MYO1C: variants seen among roughly 807,000 people sequenced by gnomAD.
MYO1C encodes myosin IC, also known as unconventional myosin-Ic.
In MYO1C, 104 loss-of-function variants were observed where a neutral mutation model predicts 150.8. The ratio of observed to expected loss-of-function variants is 0.69; its 90% CI spans 0.59 to 0.81. The LOEUF is 0.81. Ranked by LOEUF, MYO1C falls within the 30% of genes least tolerant of loss-of-function variation. MYO1C has a pLI of 0.00. For missense variants in MYO1C, 1,504 were observed against 1,435.0 expected (o/e 1.05, Z -0.78); for synonymous variants, 663 against 579.9 (o/e 1.14, Z -2.06).
intron 1 of MYO1C, among the ~76,000 whole-genome samples, chr17:1,488,673 C>T (rs1431259255): frequency 1.3e-5 from 2 of 152,224 alleles, no homozygotes; most frequent in Non-Finnish European, 2.9e-5. Flanking sequence ...GCTACCAGGG[C>T]TGTGACCTTC....
rs368406632 is a variant in MYO1C at position 1,472,222 on chromosome 17, T to C, written c.1804A>G (p.Thr602Ala). Residue 602 changes from threonine to alanine, a missense_variant, in exon 18 of 32, where the codon ACC becomes GCC. Transcript: ENST00000648651. ...TGCAGGAGGCTCATCTTGAACTGGG[T>C]GGCGACCTGGCGAGCCAAGAGGCAT... ...SDKKRPETVA[T>A]QFKMSLLQLV... The C allele has an allele frequency of 1.2e-6, 2 of 1,614,034 alleles. No individual in the cohort carries two copies. Among genetic ancestry groups the C allele is most frequent in the Non-Finnish European group, 1.7e-6 (2 of 1,179,972 alleles).
intron 30 of MYO1C, 59 bp downstream of exon 30, chr17:1,467,421 G>C: frequency 2.5e-6 from 4 of 1,600,478 alleles, no homozygotes; most frequent in Non-Finnish European, 3.4e-6. Flanking sequence ...CTGTCCCTGG[G>C]TGCCCACACA....
rs377468370 is a variant in MYO1C at position 1,483,664 on chromosome 17, C to T, written c.293G>A (p.Arg98Gln). 1.4e-5 allele frequency: 22 copies of T among 1,613,120 alleles called. No homozygotes were observed. The highest frequency in any genetic ancestry group is 4.5e-5 in the East Asian group (2 of 44,870). The stretch of plus-strand genomic sequence containing the variant: ...GCCACGGTAACGCTCCATATGCTGC[C>T]GGCTGTAGATCTGCAGGTCCCGGTA... ...NPYRDLQIYS[R>Q]QHMERYRGVS... Residue 98 changes from arginine (R) to glutamine (Q), a missense_variant, in exon 3 of 32, where the codon CGG becomes CAG. Transcript: ENST00000648651.
intron 25 of MYO1C, 179 bp from the exon 26 acceptor site, chr17:1,468,675 C>A (rs1033841431): frequency 9.6e-5 from 60 of 625,422 alleles, no homozygotes; most frequent in Non-Finnish European, 5.4e-5. Flanking sequence ...CTTCCTGACC[C>A]TCTGCCGCCA....
rs761927883 is a variant in MYO1C, at chr17:1,467,830, G to T, written c.2967+10C>A. 19 of 1,454,838 alleles carry T rather than the reference G, an allele frequency of 1.3e-5. No individual in the cohort carries two copies. Among genetic ancestry groups the T allele is most frequent in the Non-Finnish European group, 1.6e-5 (17 of 1,077,304 alleles). 90.1% of individuals were successfully genotyped at this position (1,454,838 alleles called of 1,614,324 possible). ...TCCCCCACCACTCCTCCCCATCCATGAAAAGGCACCTTTTGCTTATTGTCC... is the reference window on the plus strand; with the variant it reads ...TCCCCCACCACTCCTCCCCATCCATTAAAAGGCACCTTTTGCTTATTGTCC... On this transcript the variant is annotated intron_variant, in intron 29 of 31. Coordinates refer to ENST00000648651, the MANE Select transcript of MYO1C (RefSeq NM_001080779.2).
intron 14 of MYO1C, among the ~76,000 whole-genome samples, chr17:1,475,556 T>C (rs942638222): frequency 1.3e-5 from 2 of 152,214 alleles, no homozygotes; most frequent in Non-Finnish European, 2.9e-5. Flanking sequence ...ACGGCCAGGG[T>C]ACGCTGCAGG....
At chr17:1,472,258 C>A (rs375309067) in intron 17 of MYO1C, 30 bp from the exon 18 acceptor site, 4 of 1,603,414 alleles carry the variant, frequency 2.5e-6, no homozygotes, top group Non-Finnish European at 3.4e-6. Flanking sequence ...GGGAGGTTGG[C>A]CGGAGCTGGG....
In MYO1C at chr17:1,480,758, A is replaced by G; in HGVS notation, c.755T>C (p.Leu252Pro). 6.2e-7 allele frequency: 1 copy of G among 1,614,104 alleles called. No individual in the cohort carries two copies. Among genetic ancestry groups the G allele is most frequent in the Non-Finnish European group, 8.5e-7 (1 of 1,180,002 alleles). The change falls in exon 6 of 32, where the codon CTT becomes CCT. Residue 252 changes from leucine (L) to proline (P), a missense_variant. Physicochemically the swap from Leu to Pro is moderately conservative, Grantham distance 98. Transcript: ENST00000648651. ...QLLEGGEEET[L>P]RRLGLERNPQ... ...GTTCCGTTCCAAGCCCAGCCTGCGA[A>G]GAGTCTCCTCCTCGCCCCCCTCCAG...
chr17:1,481,638 C>T (rs939049127), intron 5 of MYO1C, among the ~76,000 whole-genome samples: 2 of 151,874 alleles, frequency 1.3e-5, no homozygotes, highest in Non-Finnish European at 2.9e-5. Context: ...GTAGCTGGGA[C>T]AACAGGCACA....
rs8076825 is a variant in MYO1C, at chr17:1,479,282, G to C, written c.1092+149C>G. The C allele has an allele frequency of 0.31, 203,926 of 668,452 alleles. 33,318 individuals are homozygous for C. The highest frequency in any genetic ancestry group is 0.54 in the African/African-American group (30,544 of 56,684). 41.4% of individuals were successfully genotyped at this position (668,452 alleles called of 1,614,324 possible). On this transcript the variant is annotated intron_variant, in intron 9 of 31. Transcript: ENST00000648651. This position sits in a 1 kb window ranked among gnomAD's most constrained non-coding sequence, Gnocchi z 4.2. ...TGCTGGGGTTACAGGCGTGAGCCAC[G>C]GCGCTCGGCTCTCACTCTGCTTCTC...
intron 1 of MYO1C, among the ~76,000 whole-genome samples, chr17:1,487,629 G>A (rs893313848): frequency 6.6e-6 from 1 of 152,210 alleles, no homozygotes; most frequent in Non-Finnish European, 1.5e-5. Flanking sequence ...TTAAAATCTA[G>A]AGGGAGGGCC....
At position 1,471,946 on chromosome 17, in the gene MYO1C, C is replaced by A. The variant is rs763790083; in HGVS notation, c.1982G>T (p.Gly661Val). The stretch of plus-strand genomic sequence containing the variant: ...TTCGTATTTGCGGCGATAGGCAAAG[C>A]CGGCTCTGCGCACGCGCAGGTTTTC... ...LLENLRVRRA[G>V]FAYRRKYEAF... is the part of the protein sequence containing the mutation. Residue 661 changes from glycine to valine, a missense_variant, in exon 19 of 32, where the codon GGC becomes GTC. Physicochemically the swap from Gly to Val is moderately radical, Grantham distance 109 (BLOSUM62 -3). Transcript: ENST00000648651. 1 of 1,614,160 alleles carries A rather than the reference C, an allele frequency of 6.2e-7. No individual in the cohort carries two copies. The highest frequency in any genetic ancestry group is 8.5e-7 in the Non-Finnish European group (1 of 1,180,034).
In MYO1C at chr17:1,470,227, G is replaced by A; in HGVS notation, c.2474C>T (p.Pro825Leu). ...SFLLNLRRQL[P>L]QNVLDTSWPT... ...CCACGAGGTGTCCAGGACATTCTGG[G>A]GCAGCTGCCGCCTCAGGTTTAGCAA... Residue 825 changes from proline to leucine, a missense_variant, in exon 24 of 32, where the codon CCC becomes CTC. By Grantham distance (98) the Pro-to-Leu change is moderately conservative. Coordinates refer to ENST00000648651, the MANE Select transcript of MYO1C (RefSeq NM_001080779.2). 2 of 1,611,170 alleles carry A rather than the reference G, an allele frequency of 1.2e-6. No homozygotes were observed. Among genetic ancestry groups the A allele is most frequent in the South Asian group, 1.1e-5 (1 of 90,694 alleles).
At position 1,467,540 on chromosome 17, in the gene MYO1C, G is replaced by C; in HGVS notation, c.3005C>G (p.Thr1002Arg). Reference protein sequence around the residue: ...VVLQSDHVIETLTKTALSANR... With the variant: ...VVLQSDHVIERLTKTALSANR... Reference sequence around the variant, plus strand: ...GGCACTGAGGGCTGTCTTGGTCAGCGTCTCAATCACGTGGTCACTCTGCAG... The same window carrying C: ...GGCACTGAGGGCTGTCTTGGTCAGCCTCTCAATCACGTGGTCACTCTGCAG... The change falls in exon 30 of 32, where the codon ACG becomes AGG. Residue 1002 changes from threonine (T) to arginine (R), a missense_variant. By Grantham distance (71) the Thr-to-Arg change is moderately conservative. Transcript: ENST00000648651. 1 of 1,613,576 alleles carries C rather than the reference G, an allele frequency of 6.2e-7. No individual in the cohort carries two copies. The highest frequency in any genetic ancestry group is 8.5e-7 in the Non-Finnish European group (1 of 1,179,968).
intron 29 of MYO1C, 105 bp downstream of exon 29, chr17:1,467,735 T>G (rs1330586448): frequency 7.3e-6 from 2 of 274,640 alleles, no homozygotes; most frequent in African/African-American, 1.1e-4. Context: ...CCATCCACCC[T>G]CCCACCTCCC....
At chr17:1,473,723 G>A (rs188053221) in intron 17 of MYO1C, among the ~76,000 whole-genome samples, 5 of 152,160 alleles carry the variant, frequency 3.3e-5, no homozygotes, top group African/African-American at 7.2e-5. Context: ...TGATGCCATC[G>A]CTTTCCTGCT....
intron 14 of MYO1C, among the ~76,000 whole-genome samples, chr17:1,475,262 T>C (rs1176051384): frequency 6.6e-6 from 1 of 151,914 alleles, no homozygotes; most frequent in Non-Finnish European, 1.5e-5. Context: ...CTACCAAAAA[T>C]ACAAAAATTA....
intron 1 of MYO1C, chr17:1,485,067 C>T (rs73292774): frequency 0.055 from 67,458 of 1,234,032 alleles, 2,144 homozygotes; most frequent in African/African-American, 0.14. Context: ...GCTGGGCTCC[C>T]CAGGCACCTC....
chr17:1,492,541 G>T lies in MYO1C; in HGVS notation c.-54C>A. The T allele has an allele frequency of 6.5e-7, 1 of 1,528,394 alleles. No homozygotes were observed. 94.7% of individuals were successfully genotyped at this position (1,528,394 alleles called of 1,614,324 possible). On this transcript the variant is annotated 5_prime_UTR_variant, in exon 1 of 32. Coordinates refer to ENST00000648651, the MANE Select transcript of MYO1C (RefSeq NM_001080779.2). ...GCACCGCGGCCTGTGAGCAAGAGCTGCCTGCCCACTGGCGGGCTCCGACCA... is the reference window on the plus strand; with the variant it reads ...GCACCGCGGCCTGTGAGCAAGAGCTTCCTGCCCACTGGCGGGCTCCGACCA...
Sources: gnomAD v4.1 joint callset for allele counts (sites outside exome capture counted in the v4.1 genomes callset) on GRCh38, gnomAD v4.1.1 for gene constraint, Gnocchi (gnomAD v3.1) non-coding constraint, MANE v1.5 for transcripts, NCBI Gene and HGNC (gene_info 2026-07-23, HGNC 2026-07-21) for gene names.